Variants in ZNF503 observed in about 807,000 individuals in gnomAD.
ZNF503 encodes the protein zinc finger protein 503.
A neutral mutation model predicts 34.4 loss-of-function variants in ZNF503; 15 were observed. The ratio of observed to expected loss-of-function variants is 0.44; its 90% CI spans 0.29 to 0.67. ZNF503 has a LOEUF of 0.67. Ranked by LOEUF, ZNF503 falls within the 30% of genes least tolerant of loss-of-function variation. The pLI is 0.13. For missense variants in ZNF503, 1,007 were observed against 926.8 expected, an observed-to-expected ratio of 1.09 and a Z score of -1.12; for synonymous variants, 580 against 456.8, an observed-to-expected ratio of 1.27 and a Z score of -3.44.
chr10:75,310,814 A>G, the ZNF503 span, among the ~76,000 whole-genome samples: 1 of 152,144 alleles, frequency 6.6e-6, no homozygotes, highest in Non-Finnish European at 1.5e-5. Context: ...CAATAATGAC[A>G]TGGTGTTCCT....
the ZNF503 span, among the ~76,000 whole-genome samples, chr10:75,330,740 T>C: frequency 1.3e-5 from 2 of 152,132 alleles, no homozygotes; most frequent in Non-Finnish European, 2.9e-5. Context: ...TTTCCTTTTT[T>C]TTCTTGGTTT....
the ZNF503 span, among the ~76,000 whole-genome samples, chr10:75,324,091 C>T: frequency 6.8e-6 from 1 of 146,044 alleles, no homozygotes; most frequent in East Asian, 2.0e-4. Context: ...ATATGATTTG[C>T]AAATATTTTC....
At chr10:75,369,069 GGTT>G in the ZNF503 span, among the ~76,000 whole-genome samples, 6 of 152,264 alleles carry the variant, frequency 3.9e-5, no homozygotes, top group Non-Finnish European at 5.9e-5. Context: ...TGTTAGGAAA[GGTT>G]GTTTAAGATA....
chr10:75,380,615 T>C, the ZNF503 span, among the ~76,000 whole-genome samples: 1 of 152,126 alleles, frequency 6.6e-6, no homozygotes, highest in South Asian at 2.1e-4. Context: ...GAGTGGAAAC[T>C]TTAGTAAGGT....
In ZNF503 at chr10:75,399,957, C is replaced by A. The variant is rs773326413; in HGVS notation, c.733G>T (p.Ala245Ser). ...ACSPGGMLSS[A>S]GGAPEGKDDK... ...TCCTTGCCCTCCGGGGCACCCCCGG[C>A]CGAGGACAGCATACCTCCCGGCGAG... The change falls in exon 2 of 2, where the codon GCC (alanine) becomes TCC (serine). Residue 245 changes from alanine (A) to serine (S), a missense_variant. Coordinates refer to ENST00000372524, the MANE Select transcript of ZNF503 (RefSeq NM_032772.6). 1 of 1,606,340 alleles carries A rather than the reference C, an allele frequency of 6.2e-7. No individual in the cohort carries two copies. The highest frequency in any genetic ancestry group is 1.1e-5 in the South Asian group (1 of 90,900).
the ZNF503 span, among the ~76,000 whole-genome samples, chr10:75,286,740 G>C: frequency 6.6e-6 from 1 of 152,058 alleles, no homozygotes; most frequent in Non-Finnish European, 1.5e-5. Context: ...CTCTTCTTTT[G>C]GGGGAAAGGT....
rs537447500 is a variant in ZNF503, at chr10:75,401,394, G to A, written c.26C>T (p.Ala9Val). Residue 9 changes from alanine (A) to valine (V), a missense_variant, in exon 1 of 2, where the codon GCC (alanine) becomes GTC (valine). Coordinates refer to ENST00000372524, the MANE Select transcript of ZNF503 (RefSeq NM_032772.6). MSTAPSLS[A>V]LRSSKHSGGG... The stretch of plus-strand genomic sequence containing the variant: ...GCCGCTGTGCTTACTGCTTCTTAGG[G>A]CAGAAAGCGAGGGCGCTGTGCTCAT... The A allele has an allele frequency of 2.9e-5, 44 of 1,539,074 alleles. No homozygotes were observed. The African/African-American group carries it at 4.2e-4, about 15-fold the overall frequency.
the ZNF503 span, chr10:75,296,765 G>A: frequency 6.6e-6 from 1 of 152,454 alleles, no homozygotes; most frequent in Admixed American, 6.5e-5. Context: ...GGGGCAGGGG[G>A]AGGGAGAGAG....
chr10:75,292,703 T>C, the ZNF503 span, among the ~76,000 whole-genome samples: 1 of 152,180 alleles, frequency 6.6e-6, no homozygotes, highest in African/African-American at 2.4e-5. Flanking sequence ...TTTTTCCCAG[T>C]GGCCAGTGAT....
chr10:75,340,537 A>G, the ZNF503 span, among the ~76,000 whole-genome samples: 36 of 152,364 alleles, frequency 2.4e-4, no homozygotes, highest in South Asian at 7.2e-3. Context: ...AGATTGGATA[A>G]TAAATGAAGG....
chr10:75,284,439 G>A, the ZNF503 span, among the ~76,000 whole-genome samples: 21 of 151,866 alleles, frequency 1.4e-4, no homozygotes, highest in Non-Finnish European at 2.8e-4. Flanking sequence ...TGGGGGAAGG[G>A]GACTGGAGGG....
chr10:75,328,746 CTTTTTT>C, the ZNF503 span, among the ~76,000 whole-genome samples: 2 of 130,792 alleles, frequency 1.5e-5, no homozygotes, highest in African/African-American at 5.8e-5. Flanking sequence ...AATGTCTTTT[CTTTTTT>C]TTTTTTTTTT....
the ZNF503 span, among the ~76,000 whole-genome samples, chr10:75,379,328 G>A: frequency 1.3e-5 from 2 of 152,204 alleles, no homozygotes; most frequent in South Asian, 4.1e-4. Context: ...AATATGACAT[G>A]TGACCATTAA....
At chr10:75,381,089 A>G in the ZNF503 span, among the ~76,000 whole-genome samples, 13 of 152,254 alleles carry the variant, frequency 8.5e-5, no homozygotes, top group Non-Finnish European at 1.8e-4. Flanking sequence ...AATTGATTTT[A>G]ACAAAATAAA....
chr10:75,365,132 C>T, the ZNF503 span, among the ~76,000 whole-genome samples: 82 of 152,250 alleles, frequency 5.4e-4, no homozygotes, highest in Middle Eastern at 3.4e-3. Context: ...CATATGGATG[C>T]AATAGTCCAT....
At chr10:75,327,302 C>T in the ZNF503 span, among the ~76,000 whole-genome samples, 4 of 146,644 alleles carry the variant, frequency 2.7e-5, no homozygotes, top group African/African-American at 9.9e-5. Flanking sequence ...TGCTCTCTAC[C>T]TCTGTGAAAT....
the ZNF503 span, among the ~76,000 whole-genome samples, chr10:75,374,103 C>T: frequency 6.6e-6 from 1 of 152,180 alleles, no homozygotes; most frequent in Non-Finnish European, 1.5e-5. Flanking sequence ...TACTTGAGGC[C>T]AGGAGTTTGA....
At chr10:75,381,081 T>C in the ZNF503 span, among the ~76,000 whole-genome samples, 1 of 152,236 alleles carries the variant, frequency 6.6e-6, no homozygotes, top group Non-Finnish European at 1.5e-5. Context: ...TGATTTGTAA[T>C]TGATTTTAAC....
chr10:75,359,058 C>T, the ZNF503 span: 1 of 152,294 alleles, frequency 6.6e-6, no homozygotes, highest in African/African-American at 2.4e-5. Context: ...GGGTAAGTGC[C>T]TCTCACCAGC....
Sources: gnomAD v4.1 joint callset for allele counts (sites outside exome capture counted in the v4.1 genomes callset) on GRCh38, gnomAD v4.1.1 for gene constraint, MANE v1.5 for transcripts, NCBI Gene and HGNC (gene_info 2026-07-23, HGNC 2026-07-21) for gene names.